The following PWWP2B variants were observed in gnomAD, a reference collection of about 807,000 sequenced individuals.
PWWP2B encodes the protein PWWP domain containing 2B, also known as PWWP domain-containing protein 2B.
PWWP2B carries 9 observed loss-of-function variants against 15.5 expected under a neutral mutation model. The ratio of observed to expected loss-of-function variants is 0.58; its 90% CI spans 0.35 to 1.02. The LOEUF (loss-of-function observed/expected upper bound fraction) is 1.02. Among genes scored for constraint, PWWP2B ranks in the 50% least tolerant of loss-of-function variants. PWWP2B has a pLI of 0.02. For synonymous variants in PWWP2B, 474 were observed against 403.6 expected (o/e 1.17, Z -2.09); for missense variants, 864 against 865.3 (o/e 1.00, Z 0.02).
chr10:132,414,621 C>G (rs1230519904), intron 2 of PWWP2B, among the ~76,000 whole-genome samples: 1 of 152,202 alleles, frequency 6.6e-6, no homozygotes, highest in Admixed American at 6.5e-5. Context: ...GCCTCTACCT[C>G]GCTGTCAGCC....
chr10:132,405,592 C>G lies in PWWP2B; in HGVS notation c.1092C>G (p.Ser364Arg). Residue 364 changes from serine to arginine, a missense_variant, in exon 2 of 3, where the codon AGC (serine) becomes AGG (arginine). By Grantham distance (110) the Ser-to-Arg change is moderately radical. This residue lies in a region of PWWP2B where 736 missense variants were observed against 687.7 expected (regional missense o/e 1.07). Coordinates refer to ENST00000305233, the MANE Select transcript of PWWP2B (RefSeq NM_138499.4). ...AGCTGAACGGGTACCTGCGGGACAG[C>G]TCGCCGGCGCCCTGTGCGGACGGCC... ...VGELNGYLRD[S>R]SPAPCADGPA... 1 of 1,610,342 alleles carries G rather than the reference C, an allele frequency of 6.2e-7. No homozygotes were observed. Among genetic ancestry groups the G allele is most frequent in the South Asian group, 1.1e-5 (1 of 91,058 alleles).
chr10:132,399,452 G>A (rs983094447), intron 1 of PWWP2B, among the ~76,000 whole-genome samples: 2 of 152,272 alleles, frequency 1.3e-5, no homozygotes, highest in African/African-American at 4.8e-5. Flanking sequence ...CCAGCAGCCA[G>A]CGTTTGTTGT....
chr10:132,415,234 TCA>T lies in PWWP2B; in HGVS notation c.*17-1820_*17-1819del, dbSNP rs902585159. Among the ~76,000 whole-genome samples, 8 of 143,828 alleles carry T rather than the reference TCA, an allele frequency of 5.6e-5. No homozygotes were observed. In the East Asian group the frequency reaches 6.3e-4, roughly 11 times the overall value. 94.4% of individuals were successfully genotyped at this position (143,828 alleles called of 152,430 possible). Reference sequence around the variant, plus strand: ...CTCTCACACACACACCCACTCACACTCACACACATCCACTCACACACACACCC... The same window carrying T: ...CTCTCACACACACACCCACTCACACTCACACATCCACTCACACACACACCC... On this transcript the variant is annotated intron_variant, in intron 2 of 2. Transcript: ENST00000305233.
chr10:132,400,025 T>C (rs538308081), intron 1 of PWWP2B, among the ~76,000 whole-genome samples: 1 of 152,198 alleles, frequency 6.6e-6, no homozygotes, highest in South Asian at 2.1e-4. Context: ...TGGCCCACAC[T>C]GAGAACCCCA....
intron 2 of PWWP2B, among the ~76,000 whole-genome samples, chr10:132,408,756 C>T (rs1329804982): frequency 6.6e-6 from 1 of 152,224 alleles, no homozygotes; most frequent in East Asian, 1.9e-4. Flanking sequence ...GACACTGAGC[C>T]CAGCATCTAC....
Position 132,397,219 on chromosome 10 carries a change from G to T in PWWP2B, c.-8G>T. On this transcript the variant is annotated 5_prime_UTR_variant, in exon 1 of 3. Coordinates refer to ENST00000305233, the MANE Select transcript of PWWP2B (RefSeq NM_138499.4). ...CGGGGCGGGGGCGGCCTGGGACGCG[G>T]CGGGAGCATGGAGCCGCGCGCCGGC... 1.8e-6 allele frequency: 2 copies of T among 1,123,588 alleles called. No individual in the cohort carries two copies. The highest frequency in any genetic ancestry group is 2.2e-6 in the Non-Finnish European group (2 of 917,562). The allele number at this position is 1,123,588 out of a possible 1,614,324, so 69.6% of individuals were successfully genotyped here. A position where few individuals can be genotyped will look rare whatever the true frequency, so the allele number is the denominator to read the frequency against.
intron 1 of PWWP2B, among the ~76,000 whole-genome samples, chr10:132,401,221 T>C (rs934524204): frequency 2.0e-5 from 3 of 152,330 alleles, no homozygotes; most frequent in Non-Finnish European, 4.4e-5. Flanking sequence ...TGGCGTACTT[T>C]TTGCTTTGGG....
At chr10:132,412,293 G>A (rs1209478504) in intron 2 of PWWP2B, among the ~76,000 whole-genome samples, 3 of 152,362 alleles carry the variant, frequency 2.0e-5, no homozygotes, top group Admixed American at 2.0e-4. Flanking sequence ...ATACTATGCG[G>A]ACCTGTTGCC....
At chr10:132,415,268 A>G (rs2069830497) in intron 2 of PWWP2B, among the ~76,000 whole-genome samples, 2 of 149,030 alleles carry the variant, frequency 1.3e-5, no homozygotes, top group African/African-American at 5.0e-5. Flanking sequence ...ACCCGCTCAC[A>G]CATTCACATC....
In PWWP2B at chr10:132,408,759, G is replaced by C. The variant is rs540636200; in HGVS notation, c.*16+2470G>C. Among the ~76,000 whole-genome samples, 216 of 152,344 alleles carry C rather than the reference G, an allele frequency of 1.4e-3. 1 individual carries two copies. The highest frequency in any genetic ancestry group is 5.4e-3 in the South Asian group (26 of 4,828). On this transcript the variant is annotated intron_variant, in intron 2 of 2. Coordinates refer to ENST00000305233, the MANE Select transcript of PWWP2B (RefSeq NM_138499.4). Reference sequence around the variant, plus strand: ...CTCCGTTGCAGGGACACTGAGCCCAGCATCTACCCATGAGAGACCCCTCAC... The same window carrying C: ...CTCCGTTGCAGGGACACTGAGCCCACCATCTACCCATGAGAGACCCCTCAC...
chr10:132,411,747 T>C (rs2133163015), intron 2 of PWWP2B, among the ~76,000 whole-genome samples: 1 of 152,380 alleles, frequency 6.6e-6, no homozygotes, highest in South Asian at 2.1e-4. Flanking sequence ...TGGTGCTCAC[T>C]GGAGTCTCCG....
chr10:132,398,293 C>T (rs1270059031), intron 1 of PWWP2B, among the ~76,000 whole-genome samples: 3 of 152,208 alleles, frequency 2.0e-5, no homozygotes, highest in African/African-American at 4.8e-5. Flanking sequence ...TTAGATGTGC[C>T]AGAAGCCATT....
chr10:132,415,788 A>C (rs1237115506), intron 2 of PWWP2B, among the ~76,000 whole-genome samples: 1 of 152,116 alleles, frequency 6.6e-6, no homozygotes. Context: ...TGTTTATGTT[A>C]ATGATTTTAG....
chr10:132,411,758 G>C (rs924856880), intron 2 of PWWP2B, among the ~76,000 whole-genome samples: 9 of 152,226 alleles, frequency 5.9e-5, no homozygotes, highest in Non-Finnish European at 1.0e-4. Flanking sequence ...GGAGTCTCCG[G>C]GCCAGAAGCA....
rs1313345476 is a variant in PWWP2B at position 132,412,174 on chromosome 10, T to C, written c.*17-4887T>C. ...TGGAGTTGCTTCTCAGGGGGTCAGA[T>C]GCCTGGGACATGGGGGACTTTCCCA... On this transcript the variant is annotated intron_variant, in intron 2 of 2. Coordinates refer to ENST00000305233, the MANE Select transcript of PWWP2B (RefSeq NM_138499.4). Among the ~76,000 whole-genome samples, 7 of 152,342 alleles carry C rather than the reference T, an allele frequency of 4.6e-5. No individual in the cohort carries two copies. In the East Asian group the frequency reaches 1.4e-3, roughly 29 times the overall value.
intron 2 of PWWP2B, among the ~76,000 whole-genome samples, chr10:132,410,523 G>A (rs1210849088): frequency 6.6e-6 from 1 of 152,206 alleles, no homozygotes. Context: ...GACCTGAGGG[G>A]CTCGGGACCT....
intron 1 of PWWP2B, among the ~76,000 whole-genome samples, chr10:132,397,936 G>A (rs1017547000): frequency 5.3e-5 from 8 of 152,036 alleles, no homozygotes; most frequent in African/African-American, 1.9e-4. Context: ...CACATCCCCC[G>A]GGAGCCCTGG....
At chr10:132,404,504 G>A in intron 1 of PWWP2B, 122 bp from the exon 2 acceptor site, 2 of 801,642 alleles carry the variant, frequency 2.5e-6, no homozygotes, top group African/African-American at 1.7e-5. Context: ...CTGGACTCAG[G>A]GCATGGCTCG....
chr10:132,411,369 G>A (rs2069777777), intron 2 of PWWP2B, among the ~76,000 whole-genome samples: 1 of 152,244 alleles, frequency 6.6e-6, no homozygotes, highest in African/African-American at 2.4e-5. Context: ...AACACGATGT[G>A]GCAGAAGGTG....
Sources: gnomAD v4.1 joint callset for allele counts (sites outside exome capture counted in the v4.1 genomes callset) on GRCh38, gnomAD v4.1.1 for gene constraint, gnomAD v4.1.1 regional missense constraint, MANE v1.5 for transcripts, NCBI Gene and HGNC (gene_info 2026-07-23, HGNC 2026-07-21) for gene names.